The following CUX1 variants were observed in gnomAD, a reference collection of about 807,000 sequenced individuals.
The protein encoded by CUX1 is protein CASP.
Under a neutral mutation model 158.8 loss-of-function variants are expected in CUX1, and 31 were observed. The ratio of observed to expected loss-of-function variants is 0.20; its 90% confidence interval spans 0.15 to 0.26. The LOEUF (loss-of-function observed/expected upper bound fraction) is 0.26. Among genes scored for constraint, CUX1 ranks in the 10% least tolerant of loss-of-function variants. CUX1 has a pLI of 1.00. For missense variants in CUX1, 1,589 were observed against 2,014.6 expected, an observed-to-expected ratio of 0.79 and a Z score of 4.04; for synonymous variants, 879 against 862.1, an observed-to-expected ratio of 1.02 and a Z score of -0.34.
chr7:102,190,359 C>T (rs1554516660), intron 12 of CUX1, among the ~76,000 whole-genome samples: 5 of 152,172 alleles, frequency 3.3e-5, no homozygotes. Flanking sequence ...CTAATGATGG[C>T]ATTCTCAGTT....
intron 3 of CUX1, among the ~76,000 whole-genome samples, chr7:102,064,730 G>A (rs1451014955): frequency 6.6e-6 from 1 of 152,198 alleles, no homozygotes; most frequent in Non-Finnish European, 1.5e-5. Flanking sequence ...TGGTACTGGG[G>A]CCCTTGCCAG....
chr7:102,043,322 A>ACT (rs1290013047), intron 3 of CUX1, among the ~76,000 whole-genome samples: 74 of 54,258 alleles, frequency 1.4e-3, no homozygotes, highest in African/African-American at 4.3e-3. Context: ...CCATTAGCTC[A>ACT]CTGTGTGTGT....
intron 8 of CUX1, among the ~76,000 whole-genome samples, chr7:102,125,032 T>TC (rs1832468079): frequency 6.6e-6 from 1 of 152,196 alleles, no homozygotes; most frequent in Non-Finnish European, 1.5e-5. Flanking sequence ...TCTGCCCACC[T>TC]CAGCCTTCTA....
intron 2 of CUX1, among the ~76,000 whole-genome samples, chr7:102,027,576 G>A (rs1820195291): frequency 6.6e-6 from 1 of 151,796 alleles, no homozygotes; most frequent in African/African-American, 2.4e-5. Context: ...AAACATCGTT[G>A]TAGGCCAGGT....
At position 102,015,408 on chromosome 7, in the gene CUX1, A is replaced by G. The variant is rs554147213; in HGVS notation, c.142-12690A>G. Among the ~76,000 whole-genome samples, 4 of 152,168 alleles carry G rather than the reference A, an allele frequency of 2.6e-5. No individual in the cohort carries two copies. The South Asian group carries it at 6.2e-4, about 24-fold the overall frequency. ...ATGCCCAGCTAATTTTTGTATTTTA[A>G]GTAGAGACGGGGTTTCACTGTGTTG... On this transcript the variant is annotated intron_variant, in intron 2 of 23. Coordinates refer to ENST00000292535, the MANE Select transcript of CUX1 (RefSeq NM_181552.4).
intron 2 of CUX1, among the ~76,000 whole-genome samples, chr7:102,026,830 A>C (rs993141899): frequency 1.3e-4 from 20 of 151,566 alleles, no homozygotes; most frequent in African/African-American, 3.4e-4. Flanking sequence ...AAAAAAAAAA[A>C]AAAAAAAAAA....
chr7:102,014,197 C>A (rs190049154), intron 2 of CUX1, among the ~76,000 whole-genome samples: 1 of 152,136 alleles, frequency 6.6e-6, no homozygotes, highest in South Asian at 2.1e-4. Context: ...CTGTGGCCTT[C>A]GAAGCGGGTT....
At position 102,000,100 on chromosome 7, in the gene CUX1, C is replaced by T. The variant is rs149191493; in HGVS notation, c.142-27998C>T. On this transcript the variant is annotated intron_variant, in intron 2 of 23. Coordinates refer to ENST00000292535, the MANE Select transcript of CUX1 (RefSeq NM_181552.4). ...GCGTGGTAGCAGGCAACTGTAATCC[C>T]AGTTACTCAGAAGGCTGAGGCAGGA... Among the ~76,000 whole-genome samples the T allele has an allele frequency of 2.1e-3, 316 of 152,262 alleles. 1 individual carries two copies. Among genetic ancestry groups the T allele is most frequent in the African/African-American group, 7.2e-3 (298 of 41,562 alleles).
At chr7:102,125,695 C>CA (rs1227248717) in intron 8 of CUX1, 654 of 57,272 alleles carry the variant, frequency 0.011, no homozygotes, top group African/African-American at 0.016. Flanking sequence ...AACTCCATCT[C>CA]AAAAAAAAAA....
intron 6 of CUX1, among the ~76,000 whole-genome samples, chr7:102,108,859 A>G (rs1199013679): frequency 1.3e-5 from 2 of 151,548 alleles, no homozygotes; most frequent in African/African-American, 2.4e-5. Flanking sequence ...GGTTCAAGCA[A>G]TTCTCCTGCT....
rs990927080 is a variant in CUX1 at position 102,067,855 on chromosome 7, A to T, written c.190-2484A>T. On this transcript the variant is annotated intron_variant, in intron 3 of 23. Coordinates refer to ENST00000292535, the MANE Select transcript of CUX1 (RefSeq NM_181552.4). ...AACATGACGAAACCCCGTCTCCACT[A>T]AAAATACAAAAAAAAATTAGCTGGG... Among the ~76,000 whole-genome samples the T allele has an allele frequency of 1.7e-4, 6 of 34,306 alleles. No individual in the cohort carries two copies. In the African/African-American group the frequency reaches 2.0e-3, roughly 12 times the overall value. The allele number at this position is 34,306 out of a possible 152,430, so 22.5% of individuals were successfully genotyped here.
Position 102,070,374 on chromosome 7 carries a change from A to G in CUX1, c.225A>G (p.Glu75=). The G allele has an allele frequency of 6.2e-7, 1 of 1,610,148 alleles. No homozygotes were observed. Among genetic ancestry groups the G allele is most frequent in the Non-Finnish European group, 8.5e-7 (1 of 1,179,130 alleles). Residue 75 remains glutamate (E), a synonymous_variant, in exon 4 of 24, where the codon GAA becomes GAG. Transcript: ENST00000292535. The stretch of plus-strand genomic sequence containing the variant: ...TGAGTAAAAGAAGCAAGGAAGCTGA[A>G]GCAGCTTTCTTGAATGTCTACAAAA... The part of the protein sequence containing the change: ...DALSKRSKEA[E]AAFLNVYKRL...
chr7:102,189,027 C>T (rs561578476), intron 11 of CUX1, among the ~76,000 whole-genome samples: 1 of 152,032 alleles, frequency 6.6e-6, no homozygotes. Flanking sequence ...AGGGAAGCCA[C>T]CAAGCACTCG....
At chr7:101,874,541 C>G (rs1033294412) in intron 1 of CUX1, among the ~76,000 whole-genome samples, 2 of 152,136 alleles carry the variant, frequency 1.3e-5, no homozygotes, top group African/African-American at 4.8e-5. Flanking sequence ...TTTTTAGGAT[C>G]GTGATGTCTT....
chr7:102,170,004 ATTGT>A (rs1220537497), intron 9 of CUX1, among the ~76,000 whole-genome samples: 4 of 152,196 alleles, frequency 2.6e-5, no homozygotes, highest in Non-Finnish European at 5.9e-5. Context: ...CAACCACAAC[ATTGT>A]TTGTGCGTGT....
rs552075780 is a variant in CUX1, at chr7:102,083,553, A to G, written c.268+13136A>G. ...ACTCCTGGGCTCAAGCAGTCCTCCCACCTTGGCCTCACGAAGTGCTGGGAT... is the reference window on the plus strand; with the variant it reads ...ACTCCTGGGCTCAAGCAGTCCTCCCGCCTTGGCCTCACGAAGTGCTGGGAT... On this transcript the variant is annotated intron_variant, in intron 4 of 23. Transcript: ENST00000292535. Among the ~76,000 whole-genome samples the G allele has an allele frequency of 4.8e-5, 7 of 147,166 alleles. No individual in the cohort carries two copies. The East Asian group carries it at 1.4e-3, about 28-fold the overall frequency.
intron 20 of CUX1, among the ~76,000 whole-genome samples, chr7:102,208,518 G>A (rs1455804434): frequency 2.0e-5 from 3 of 152,218 alleles, no homozygotes; most frequent in African/African-American, 4.8e-5. Flanking sequence ...TGGGATTATA[G>A]GCATGAGCCA....
At chr7:101,816,167 C>G, upstream of CUX1, 1 of 771,456 alleles carries the variant, frequency 1.3e-6, no homozygotes, top group Non-Finnish European at 1.6e-6. Flanking sequence ...GCCGGGGGCC[C>G]CGGGCTGGCC....
rs1554512783 is a variant in CUX1, at chr7:102,178,549, G to A, written c.909G>A (p.Val303=). Residue 303 remains valine, a synonymous_variant, in exon 11 of 24, where the codon GTG becomes GTA. Transcript: ENST00000292535. ...AAKEREIAQL[V]EDVQRLQASL... ...AGGAGCGGGAGATCGCACAGCTGGT[G>A]GAGGACGTGCAGAGACTCCAGGCCA... is the stretch of plus-strand genomic sequence containing the variant. 3.1e-6 allele frequency: 5 copies of A among 1,613,532 alleles called. No homozygotes were observed. Among genetic ancestry groups the A allele is most frequent in the Middle Eastern group, 1.7e-4 (1 of 6,056 alleles).
Sources: allele counts gnomAD v4.1 joint callset (sites outside exome capture counted in the v4.1 genomes callset), GRCh38; gene constraint gnomAD v4.1.1; transcripts MANE v1.5; gene names NCBI Gene and HGNC (gene_info 2026-07-23, HGNC 2026-07-21).